UBR4: variants seen among roughly 807,000 people sequenced by gnomAD.
The protein encoded by UBR4 is ubiquitin protein ligase E3 component n-recognin 4, also known as E3 ubiquitin-protein ligase UBR4.
UBR4 carries 124 observed loss-of-function variants against 575.6 expected under a neutral mutation model. That is an observed-to-expected ratio of 0.22 (90% CI 0.19 to 0.25). The LOEUF (loss-of-function observed/expected upper bound fraction) is 0.25, where lower values mean the gene tolerates loss of function less well. UBR4 is among the 10% of genes least tolerant of loss of function. The pLI is 1.00. For missense variants in UBR4, 4,818 were observed against 6,478.8 expected (o/e 0.74, Z 8.80); for synonymous variants, 2,455 against 2,473.7 (o/e 0.99, Z 0.22).
Position 19,112,677 on chromosome 1 carries a change from C to T in UBR4, c.11648G>A (p.Cys3883Tyr). ...GGCCAGGGCCCGAAGTAGTGTGATACAATGTTCTGTGACAGCCGAGGCGCA... is the reference window on the plus strand; with the variant it reads ...GGCCAGGGCCCGAAGTAGTGTGATATAATGTTCTGTGACAGCCGAGGCGCA... ...YGCASAVTEH[C>Y]ITLLRALATN... Residue 3883 changes from cysteine to tyrosine, a missense_variant, in exon 78 of 106, where the codon TGT becomes TAT. Cys to Tyr is a radical substitution (Grantham distance 194, BLOSUM62 -2). Around this residue, in one of 29 missense-constraint regions of UBR4, gnomAD observed 333 missense variants for 459.2 expected, o/e 0.73. Transcript: ENST00000375254. 2.5e-6 allele frequency: 4 copies of T among 1,614,240 alleles called. No individual in the cohort carries two copies. The highest frequency in any genetic ancestry group is 3.4e-6 in the Non-Finnish European group (4 of 1,180,042).
intron 49 of UBR4, 140 bp downstream of exon 49, chr1:19,150,437 G>A: frequency 1.1e-6 from 1 of 871,408 alleles, no homozygotes; most frequent in Non-Finnish European, 1.8e-6. Context: ...ACTGAATGTG[G>A]GCGAGTTGTA....
At position 19,177,564 on chromosome 1, in the gene UBR4, T is replaced by C; in HGVS notation, c.2534A>G (p.Asp845Gly). Residue 845 changes from aspartate (D) to glycine (G), a missense_variant, in exon 19 of 106, where the codon GAT (aspartate) becomes GGT (glycine). Asp to Gly is a moderately conservative substitution (Grantham distance 94). This residue lies in a region of UBR4 where 1,172 missense variants were observed against 1,259.7 expected (regional missense o/e 0.93). Coordinates refer to ENST00000375254, the MANE Select transcript of UBR4 (RefSeq NM_020765.3). ...QIIQELSVNM[D>G]AQMRFVPLIL... ...AAGCGGCACGAAGCGCATCTGAGCA[T>C]CCATGTTGACGCTCAACTCCTGGAT... is the stretch of plus-strand genomic sequence containing the variant. The C allele has an allele frequency of 1.2e-6, 2 of 1,613,774 alleles. No individual in the cohort carries two copies. Among genetic ancestry groups the C allele is most frequent in the East Asian group, 2.2e-5 (1 of 44,840 alleles).
At chr1:19,131,472 T>G (rs942967363) in intron 60 of UBR4, among the ~76,000 whole-genome samples, 6 of 152,194 alleles carry the variant, frequency 3.9e-5, no homozygotes, top group Non-Finnish European at 8.8e-5. Flanking sequence ...AATTCCATTG[T>G]CAATATGGCT....
intron 73 of UBR4, among the ~76,000 whole-genome samples, chr1:19,116,938 G>C (rs2080610568): frequency 6.6e-6 from 1 of 152,112 alleles, no homozygotes; most frequent in South Asian, 2.1e-4. Flanking sequence ...AAATGGGCAT[G>C]AGAAGCCTGG....
chr1:19,095,524 C>T (rs758074595), intron 93 of UBR4, 21 bp downstream of exon 93: 2 of 1,610,758 alleles, frequency 1.2e-6, no homozygotes, highest in South Asian at 1.1e-5. Flanking sequence ...CTCTTCTTCA[C>T]CTGCAGTCCA....
chr1:19,074,715 G>A lies in UBR4; in HGVS notation c.*117C>T, dbSNP rs2075752968. 1 of 1,176,212 alleles carries A rather than the reference G, an allele frequency of 8.5e-7. No individual in the cohort carries two copies. Among genetic ancestry groups the A allele is most frequent in the Non-Finnish European group, 1.2e-6 (1 of 809,240 alleles). 72.9% of individuals were successfully genotyped at this position (1,176,212 alleles called of 1,614,324 possible). ...AGCCACACCAAGAAAAATGAGAGAG[G>A]GGAGGGCGGGGTAACAATGCAGCAT... is the stretch of plus-strand genomic sequence containing the variant. On this transcript the variant is annotated 3_prime_UTR_variant, in exon 106 of 106. Coordinates refer to ENST00000375254, the MANE Select transcript of UBR4 (RefSeq NM_020765.3).
chr1:19,206,075 TC>T (rs901646948), intron 1 of UBR4, among the ~76,000 whole-genome samples: 1 of 152,236 alleles, frequency 6.6e-6, no homozygotes, highest in Non-Finnish European at 1.5e-5. Context: ...CGGTATGTGC[TC>T]CATTGAGCTA....
intron 47 of UBR4, 124 bp from the exon 48 acceptor site, chr1:19,151,983 G>T (rs766415540): frequency 6.9e-5 from 63 of 917,298 alleles, no homozygotes; most frequent in Non-Finnish European, 6.4e-6. Context: ...TTAACTCCCT[G>T]GTAATGACTT....
At chr1:19,078,285 C>T in intron 103 of UBR4, 1 of 498,920 alleles carries the variant, frequency 2.0e-6, no homozygotes, top group South Asian at 2.2e-5. Context: ...CCATGAAATT[C>T]ATCTGATTCT....
In UBR4 at chr1:19,196,635, C is replaced by A. The variant is rs570879278; in HGVS notation, c.1018+506G>T. 3.3e-5 allele frequency among the ~76,000 whole-genome samples: 5 copies of A among 152,328 alleles called. No homozygotes were observed. The South Asian group carries it at 1.0e-3, about 32-fold the overall frequency. ...TTATGGAAGCTTAAAGAATATCATTCTTCGCATTTATCAGTATAAACAGAT... is the reference window on the plus strand; with the variant it reads ...TTATGGAAGCTTAAAGAATATCATTATTCGCATTTATCAGTATAAACAGAT... On this transcript the variant is annotated intron_variant, in intron 8 of 105. Transcript: ENST00000375254.
At position 19,190,292 on chromosome 1, in the gene UBR4, C is replaced by CAAAAAAAAA. The variant is rs1184892281; in HGVS notation, c.1394+1887_1394+1895dup. Among the ~76,000 whole-genome samples the CAAAAAAAAA allele has an allele frequency of 3.2e-4, 13 of 40,368 alleles. 1 individual carries two copies. The East Asian group carries it at 6.9e-3, about 21-fold the overall frequency. The allele number at this position is 40,368 out of a possible 152,430, so 26.5% of individuals were successfully genotyped here. A position where few individuals can be genotyped will look rare whatever the true frequency, so the allele number is the denominator to read the frequency against. On this transcript the variant is annotated intron_variant, in intron 11 of 105. Coordinates refer to ENST00000375254, the MANE Select transcript of UBR4 (RefSeq NM_020765.3). ...TGGGCAACAGAGCGAGACTCTGCCT[C>CAAAAAAAAA]AAAAAAAAAAAAAAAAAAAAATATA...
At chr1:19,176,765 C>T in intron 19 of UBR4, 38 bp from the exon 20 acceptor site, 1 of 1,605,650 alleles carries the variant, frequency 6.2e-7, no homozygotes, top group Non-Finnish European at 8.5e-7. Context: ...GAAAGATACA[C>T]AGTCACCATT....
chr1:19,128,380 G>C, intron 61 of UBR4, 62 bp from the exon 62 acceptor site: 1 of 1,397,444 alleles, frequency 7.2e-7, no homozygotes, highest in Non-Finnish European at 1.0e-6. Flanking sequence ...CTTGAAATAC[G>C]GGGTGTTTCA....
chr1:19,204,298 G>GCC (rs1406950087), intron 1 of UBR4, among the ~76,000 whole-genome samples: 1 of 152,092 alleles, frequency 6.6e-6, no homozygotes, highest in African/African-American at 2.4e-5. Flanking sequence ...TCCACGCCTG[G>GCC]CCCCACCCTT....
intron 55 of UBR4, 116 bp from the exon 56 acceptor site, chr1:19,141,893 CT>C: frequency 6.9e-7 from 1 of 1,456,368 alleles, no homozygotes; most frequent in Non-Finnish European, 9.2e-7. Context: ...GCACCCTGGG[CT>C]TTAGCGGGAG....
intron 36 of UBR4, 37 bp downstream of exon 36, chr1:19,161,790 C>G: frequency 1.2e-6 from 2 of 1,614,048 alleles, no homozygotes; most frequent in Non-Finnish European, 8.5e-7. Flanking sequence ...AATCGGTGCC[C>G]AGCAAATCTT....
chr1:19,160,878 AAC>A (rs1449961384), intron 38 of UBR4, 37 bp downstream of exon 38: 1 of 1,599,698 alleles, frequency 6.3e-7, no homozygotes, highest in Non-Finnish European at 8.6e-7. Context: ...ACAGGCTCTG[AAC>A]TCTGTCTGCT....
intron 85 of UBR4, 117 bp downstream of exon 85, chr1:19,104,931 C>T: frequency 6.8e-7 from 1 of 1,464,244 alleles, no homozygotes; most frequent in Non-Finnish European, 9.2e-7. Context: ...TTCCAAACAC[C>T]TTCAACAAAT....
intron 9 of UBR4, 55 bp downstream of exon 9, chr1:19,193,378 C>A: frequency 6.3e-7 from 1 of 1,594,086 alleles, no homozygotes. Flanking sequence ...TGGAACTGGC[C>A]ATACTCCCTC....
Sources: allele counts gnomAD v4.1 joint callset (sites outside exome capture counted in the v4.1 genomes callset), GRCh38; gene constraint gnomAD v4.1.1; regional missense constraint gnomAD v4.1.1; transcripts MANE v1.5; gene names NCBI Gene and HGNC (gene_info 2026-07-23, HGNC 2026-07-21).